Variants in NSD2 observed in about 807,000 individuals in gnomAD.
NSD2 encodes the protein histone-lysine N-methyltransferase NSD2.
NSD2 carries 12 observed loss-of-function variants against 139.0 expected under a neutral mutation model. The observed-to-expected ratio is 0.09, with a 90% confidence interval of 0.06 to 0.14. The LOEUF (loss-of-function observed/expected upper bound fraction) is 0.14, where lower values mean the gene tolerates loss of function less well. Ranked by LOEUF, NSD2 falls within the 10% of genes least tolerant of loss-of-function variation. The pLI, the probability that NSD2 is intolerant of heterozygous loss-of-function variation, is 1.00. For synonymous variants in NSD2, 669 were observed against 648.7 expected, an observed-to-expected ratio of 1.03 and a Z score of -0.48; for missense variants, 1,155 against 1,745.0, an observed-to-expected ratio of 0.66 and a Z score of 6.02.
At position 1,955,356 on chromosome 4, in the gene NSD2, G is replaced by C. The variant is rs371675831; in HGVS notation, c.2518+16G>C. 2 of 1,601,278 alleles carry C rather than the reference G, an allele frequency of 1.2e-6. No individual in the cohort carries two copies. Among genetic ancestry groups the C allele is most frequent in the East Asian group, 2.2e-5 (1 of 44,566 alleles). ...TGCTCCAAAGGTGAGGGGCCTGGGG[G>C]TGTCTGCGGCACACGCCTCTCACAC... On this transcript the variant is annotated intron_variant, in intron 13 of 21. Coordinates refer to ENST00000508803, the MANE Select transcript of NSD2 (RefSeq NM_001042424.3). This position sits in a 1 kb window ranked among gnomAD's most constrained non-coding sequence, Gnocchi z 4.7.
At position 1,979,332 on chromosome 4, in the gene NSD2, C is replaced by G. The variant is rs931233565; in HGVS notation, c.*423C>G. On this transcript the variant is annotated 3_prime_UTR_variant, in exon 22 of 22. Transcript: ENST00000508803. ...TTGCCCCCTTTCTGGCTCTCAGCGC[C>G]GTCGCCACTCGGGAGAGGCTGGGTG... 4.2e-6 allele frequency: 1 copy of G among 239,416 alleles called. No homozygotes were observed. Among genetic ancestry groups the G allele is most frequent in the Non-Finnish European group, 8.1e-6 (1 of 122,702 alleles). The allele number at this position is 239,416 out of a possible 1,614,324, so 14.8% of individuals were successfully genotyped here. A position where few individuals can be genotyped will look rare whatever the true frequency, so the allele number is the denominator to read the frequency against.
intron 7 of NSD2, 103 bp from the exon 8 acceptor site, chr4:1,938,348 T>C (rs992301724): frequency 2.8e-6 from 3 of 1,063,784 alleles, no homozygotes; most frequent in African/African-American, 3.3e-5. Flanking sequence ...AGATTTTTTT[T>C]CCTTTCTTTT....
rs1723191637 is a variant in NSD2, at chr4:1,942,406, A to T, written c.1881+2628A>T. ...GCTGCTCTGTACTGCACTTAGAATG[A>T]TGTAATATTCCAGGATGCTGCTGCA... On this transcript the variant is annotated intron_variant, in intron 9 of 21. Transcript: ENST00000508803. The surrounding 1 kb of genome is among the most constrained non-coding windows in gnomAD (Gnocchi z 4.0). 14 of 1,609,520 alleles carry T rather than the reference A, an allele frequency of 8.7e-6. No individual in the cohort carries two copies. The highest frequency in any genetic ancestry group is 1.3e-5 in the African/African-American group (1 of 74,860).
chr4:1,933,533 G>A (rs1165710382), intron 6 of NSD2, among the ~76,000 whole-genome samples: 1 of 152,086 alleles, frequency 6.6e-6, no homozygotes, highest in East Asian at 1.9e-4. Context: ...GGGACTACAG[G>A]CGCCCGCCAC....
intron 3 of NSD2, among the ~76,000 whole-genome samples, chr4:1,907,125 C>G (rs536725672): frequency 6.6e-6 from 1 of 152,136 alleles, no homozygotes; most frequent in Non-Finnish European, 1.5e-5. Flanking sequence ...TGAACTTAAT[C>G]TCGCTAAGCT....
At chr4:1,969,553 A>AG (rs1354671908) in intron 18 of NSD2, among the ~76,000 whole-genome samples, 55 of 151,958 alleles carry the variant, frequency 3.6e-4, no homozygotes, top group Non-Finnish European at 7.1e-4. Flanking sequence ...AAAAAAAAAA[A>AG]AAAAATAGCT....
intron 1 of NSD2, among the ~76,000 whole-genome samples, chr4:1,872,631 AGAGAGCGC>A (rs1458802676): frequency 7.5e-5 from 10 of 133,312 alleles, no homozygotes; most frequent in Admixed American, 2.4e-4. Context: ...AGAGAGAGAG[AGAGAGCGC>A]GCAGACCCTG....
chr4:1,872,609 AGAGAGAGAGAGAGAGAGAGAGAGAGAGC>A (rs1713920200), intron 1 of NSD2, among the ~76,000 whole-genome samples: 2 of 139,726 alleles, frequency 1.4e-5, no homozygotes, highest in African/African-American at 5.3e-5. Context: ...AGAGAGAGAG[AGAGAGAGAGAGAGAGAGAGAGAGAGAGC>A]GCGCAGACCC....
chr4:1,911,181 AATTAGGTACC>A (rs1451889488), intron 3 of NSD2, among the ~76,000 whole-genome samples: 1 of 152,110 alleles, frequency 6.6e-6, no homozygotes, highest in African/African-American at 2.4e-5. Flanking sequence ...CACAGTACAA[AATTAGGTACC>A]AGGACTGTTA....
intron 9 of NSD2, chr4:1,940,987 G>A: frequency 9.4e-7 from 1 of 1,058,684 alleles, no homozygotes; most frequent in South Asian, 4.6e-5. Flanking sequence ...TGGTGGGACT[G>A]GGGCTGCTTT....
chr4:1,892,188 G>A (rs1411899522), intron 1 of NSD2: 1 of 152,166 alleles, frequency 6.6e-6, no homozygotes, highest in African/African-American at 2.4e-5. Context: ...CCATCACCAT[G>A]TTGCCCAGTC....
At position 1,939,769 on chromosome 4, in the gene NSD2, T is replaced by C. The variant is rs1343250967; in HGVS notation, c.1872T>C (p.Thr624=). Residue 624 remains threonine, a synonymous_variant, in exon 9 of 22, where the codon ACT becomes ACC. Transcript: ENST00000508803. ...GTTCATCTCCTTCTGCATCCTTAACTGAGAATGAGGTAAAATAATAATAAT... is the reference window on the plus strand; with the variant it reads ...GTTCATCTCCTTCTGCATCCTTAACCGAGAATGAGGTAAAATAATAATAAT... ...SKSSSPSASL[T]ENEVSDSPGD... 6.2e-7 allele frequency: 1 copy of C among 1,614,210 alleles called. No homozygotes were observed. Among genetic ancestry groups the C allele is most frequent in the Admixed American group, 1.7e-5 (1 of 60,020 alleles).
chr4:1,937,857 A>G (rs745473741), intron 7 of NSD2, among the ~76,000 whole-genome samples: 3 of 152,210 alleles, frequency 2.0e-5, no homozygotes, highest in Non-Finnish European at 4.4e-5. Context: ...GAAAAGCTTC[A>G]TGATCCCTTC....
rs560327551 is a variant in NSD2, at chr4:1,954,076, C to T, written c.2338+552C>T. 6.6e-5 allele frequency among the ~76,000 whole-genome samples: 10 copies of T among 151,856 alleles called. No homozygotes were observed. In the South Asian group the frequency reaches 2.1e-3, roughly 32 times the overall value. On this transcript the variant is annotated intron_variant, in intron 12 of 21. Transcript: ENST00000508803. Reference sequence around the variant, plus strand: ...TCTCAGCTCACTGCAACCTCTGCCTCCCAGGTTCAAGCGATCCTCCTGCCT... The same window carrying T: ...TCTCAGCTCACTGCAACCTCTGCCTTCCAGGTTCAAGCGATCCTCCTGCCT...
At chr4:1,918,743 T>C in intron 5 of NSD2, 120 bp downstream of exon 5, 1 of 1,354,372 alleles carries the variant, frequency 7.4e-7, no homozygotes. Flanking sequence ...TTGCATAGAT[T>C]TTAGATCTAA....
At chr4:1,884,221 A>G (rs1178732301) in intron 1 of NSD2, among the ~76,000 whole-genome samples, 1 of 150,020 alleles carries the variant, frequency 6.7e-6, no homozygotes, top group Non-Finnish European at 1.5e-5. Flanking sequence ...TCAGCCTCCC[A>G]AGTAGCTGGG....
chr4:1,883,043 A>C (rs1470457929), intron 1 of NSD2, among the ~76,000 whole-genome samples: 1 of 152,080 alleles, frequency 6.6e-6, no homozygotes, highest in Non-Finnish European at 1.5e-5. Flanking sequence ...AGGCCTAGCT[A>C]GGAAGGCCTC....
At chr4:1,947,382 G>C in intron 9 of NSD2, 1 of 1,061,348 alleles carries the variant, frequency 9.4e-7, no homozygotes, top group Non-Finnish European at 1.1e-6. Context: ...GCCTGTGCAG[G>C]TTAGAAGACG....
chr4:1,975,540 G>A, intron 20 of NSD2, 140 bp downstream of exon 20: 1 of 691,898 alleles, frequency 1.4e-6, no homozygotes, highest in Non-Finnish European at 2.5e-6. Flanking sequence ...CCTGCTGTGG[G>A]CTGGGGAGGA....
Sources: allele counts gnomAD v4.1 joint callset (sites outside exome capture counted in the v4.1 genomes callset), GRCh38; gene constraint gnomAD v4.1.1; non-coding constraint Gnocchi (gnomAD v3.1); transcripts MANE v1.5; gene names NCBI Gene and HGNC (gene_info 2026-07-23, HGNC 2026-07-21).